CTNNA3: variants seen among roughly 807,000 people sequenced by gnomAD.
CTNNA3 encodes the protein catenin alpha-3.
A neutral mutation model predicts 95.7 loss-of-function variants in CTNNA3; 76 were observed. The ratio of observed to expected loss-of-function variants is 0.79; its 90% CI spans 0.66 to 0.96. The LOEUF (loss-of-function observed/expected upper bound fraction) is 0.96, where lower values mean the gene tolerates loss of function less well. Among genes scored for constraint, CTNNA3 ranks in the 40% least tolerant of loss-of-function variants. CTNNA3 has a pLI of 0.00. For missense variants in CTNNA3, 1,191 were observed against 1,089.8 expected, an observed-to-expected ratio of 1.09 and a Z score of -1.31; for synonymous variants, 431 against 374.4, an observed-to-expected ratio of 1.15 and a Z score of -1.74.
intron 13 of CTNNA3, among the ~76,000 whole-genome samples, chr10:66,157,845 T>G (rs2084625395): frequency 6.6e-6 from 1 of 151,752 alleles, no homozygotes; most frequent in Non-Finnish European, 1.5e-5. Flanking sequence ...TTTTTTTTAT[T>G]ATGGCCATTC....
At chr10:67,259,004 T>G (rs1352826892) in intron 5 of CTNNA3, among the ~76,000 whole-genome samples, 1 of 152,266 alleles carries the variant, frequency 6.6e-6, no homozygotes, top group Non-Finnish European at 1.5e-5. Context: ...GTAACTACTA[T>G]GTAAATAATT....
At chr10:67,337,666 C>T (rs1842043121) in intron 5 of CTNNA3, among the ~76,000 whole-genome samples, 1 of 152,074 alleles carries the variant, frequency 6.6e-6, no homozygotes, top group South Asian at 2.1e-4. Flanking sequence ...TTCATTGTGG[C>T]CTTATTTTTA....
chr10:66,076,980 C>T lies in CTNNA3; in HGVS notation c.1978-7491G>A, dbSNP rs191217475. On this transcript the variant is annotated intron_variant, in intron 14 of 17. Transcript: ENST00000433211. ...TGTGAATCTAGTTTCTCTCCTTGTTCTAGAGATAAATAAAGGTTGTAAAGG... is the reference window on the plus strand; with the variant it reads ...TGTGAATCTAGTTTCTCTCCTTGTTTTAGAGATAAATAAAGGTTGTAAAGG... 2.6e-3 allele frequency among the ~76,000 whole-genome samples: 387 copies of T among 151,602 alleles called. 6 individuals are homozygous for T. The highest frequency in any genetic ancestry group is 9.0e-3 in the African/African-American group (374 of 41,430).
At chr10:66,627,994 A>G (rs1185846806) in intron 9 of CTNNA3, among the ~76,000 whole-genome samples, 1 of 152,076 alleles carries the variant, frequency 6.6e-6, no homozygotes, top group Non-Finnish European at 1.5e-5. Context: ...GATGCCCAGG[A>G]TCCATATCTT....
At chr10:67,559,674 C>G (rs528040524) in intron 3 of CTNNA3, among the ~76,000 whole-genome samples, 1 of 150,616 alleles carries the variant, frequency 6.6e-6, no homozygotes, top group East Asian at 2.0e-4. Flanking sequence ...AGGCTTCAGA[C>G]GATCAAACTA....
intron 13 of CTNNA3, among the ~76,000 whole-genome samples, chr10:66,173,457 G>A (rs1221090775): frequency 6.6e-6 from 1 of 152,084 alleles, no homozygotes; most frequent in Non-Finnish European, 1.5e-5. Flanking sequence ...GGTAGAGTTA[G>A]GAGGATTGCT....
At chr10:67,723,769 C>T (rs1311095799) in intron 1 of CTNNA3, among the ~76,000 whole-genome samples, 1 of 152,146 alleles carries the variant, frequency 6.6e-6, no homozygotes, top group Non-Finnish European at 1.5e-5. Context: ...CCAGTCACGA[C>T]TGTGAAGGAT....
chr10:67,677,705 G>A (rs952358221), intron 1 of CTNNA3, among the ~76,000 whole-genome samples: 14 of 152,060 alleles, frequency 9.2e-5, no homozygotes, highest in East Asian at 3.9e-4. Context: ...ATTTTGAGTC[G>A]CAGAAATGCA....
chr10:67,301,690 T>C (rs1189770713), intron 5 of CTNNA3, among the ~76,000 whole-genome samples: 2 of 152,124 alleles, frequency 1.3e-5, no homozygotes, highest in East Asian at 3.9e-4. Flanking sequence ...AAATCCTGGC[T>C]GGGCATGGTG....
chr10:67,436,665 C>A (rs1483339516), intron 5 of CTNNA3, among the ~76,000 whole-genome samples: 2 of 152,006 alleles, frequency 1.3e-5, no homozygotes, highest in African/African-American at 2.4e-5. Context: ...GGGCTAAAGA[C>A]ATGAAAAGAC....
chr10:66,744,047 T>C (rs182289729), intron 9 of CTNNA3, among the ~76,000 whole-genome samples: 24 of 144,744 alleles, frequency 1.7e-4, no homozygotes, highest in Admixed American at 1.5e-3. Context: ...GAAGAATGAA[T>C]GTAAACTGCA....
At chr10:67,596,887 C>T (rs1404971967) in intron 3 of CTNNA3, among the ~76,000 whole-genome samples, 1 of 152,204 alleles carries the variant, frequency 6.6e-6, no homozygotes, top group East Asian at 1.9e-4. Context: ...CTTTCCCTCT[C>T]TTTCAGGGAT....
intron 2 of CTNNA3, among the ~76,000 whole-genome samples, chr10:67,644,663 TCCC>T (rs1839649268): frequency 1.3e-5 from 2 of 151,872 alleles, no homozygotes; most frequent in Non-Finnish European, 2.9e-5. Context: ...ATAAGGAGAA[TCCC>T]ATTATTAAAA....
At chr10:67,571,053 G>T (rs1841957652) in intron 3 of CTNNA3, among the ~76,000 whole-genome samples, 1 of 152,128 alleles carries the variant, frequency 6.6e-6, no homozygotes, top group Non-Finnish European at 1.5e-5. Context: ...GTTTTAGGAA[G>T]ATTTATCTGG....
intron 6 of CTNNA3, among the ~76,000 whole-genome samples, chr10:67,181,417 C>A (rs1862535232): frequency 6.6e-6 from 1 of 152,060 alleles, no homozygotes. Context: ...GAGAGGAAGT[C>A]TTTCCAAGAT....
intron 13 of CTNNA3, among the ~76,000 whole-genome samples, chr10:66,279,347 A>G (rs1179236196): frequency 1.3e-5 from 2 of 152,066 alleles, no homozygotes; most frequent in African/African-American, 2.4e-5. Context: ...TTAAGTCCAG[A>G]GGCTTAAAAA....
At chr10:67,433,615 C>T (rs1238811367) in intron 5 of CTNNA3, among the ~76,000 whole-genome samples, 1 of 151,802 alleles carries the variant, frequency 6.6e-6, no homozygotes, top group African/African-American at 2.4e-5. Context: ...TTATCAAACA[C>T]ATTGAACATT....
intron 13 of CTNNA3, among the ~76,000 whole-genome samples, chr10:66,219,215 G>T (rs1013711628): frequency 2.0e-4 from 31 of 152,088 alleles, no homozygotes; most frequent in African/African-American, 7.2e-4. Context: ...GAGGCTTTGT[G>T]GGGTATCGGG....
chr10:67,116,408 T>C (rs922346061), intron 7 of CTNNA3, among the ~76,000 whole-genome samples: 3 of 151,980 alleles, frequency 2.0e-5, no homozygotes, highest in African/African-American at 7.2e-5. Flanking sequence ...TAGGTAAATA[T>C]AGAAGCTTCT....
Sources: allele counts gnomAD v4.1 joint callset (sites outside exome capture counted in the v4.1 genomes callset), GRCh38; gene constraint gnomAD v4.1.1; transcripts MANE v1.5; gene names NCBI Gene and HGNC (gene_info 2026-07-23, HGNC 2026-07-21).